Variants in THEMIS observed in about 807,000 individuals in gnomAD.
THEMIS encodes protein THEMIS.
Under a neutral mutation model 52.6 loss-of-function variants are expected in THEMIS, and 37 were observed. The observed-to-expected ratio is 0.70, with a 90% CI of 0.54 to 0.93. The LOEUF (loss-of-function observed/expected upper bound fraction) is 0.93. Among genes scored for constraint, THEMIS ranks in the 40% least tolerant of loss-of-function variants. The pLI, the probability that THEMIS is intolerant of heterozygous loss-of-function variation, is 0.00. For missense variants in THEMIS, 808 were observed against 763.1 expected (o/e 1.06, Z -0.69); for synonymous variants, 292 against 272.7 (o/e 1.07, Z -0.70).
At chr6:127,864,092 G>T (rs912235156) in intron 1 of THEMIS, among the ~76,000 whole-genome samples, 4 of 152,106 alleles carry the variant, frequency 2.6e-5, no homozygotes, top group East Asian at 1.9e-4. Flanking sequence ...GTCTTGACAA[G>T]ATAGGCTTTA....
At chr6:127,789,268 A>T (rs1000284140) in intron 4 of THEMIS, among the ~76,000 whole-genome samples, 12 of 152,188 alleles carry the variant, frequency 7.9e-5, no homozygotes, top group African/African-American at 2.9e-4. Context: ...TAAACTAGAA[A>T]ATCTAGAAGA....
chr6:127,734,108 A>G (rs1398559005), intron 4 of THEMIS, among the ~76,000 whole-genome samples: 6 of 152,174 alleles, frequency 3.9e-5, no homozygotes, highest in Non-Finnish European at 5.9e-5. Flanking sequence ...CAAATTGAGA[A>G]AAAAAATAGG....
At chr6:127,734,917 G>A (rs78189546) in intron 4 of THEMIS, among the ~76,000 whole-genome samples, 25,106 of 102,750 alleles carry the variant, frequency 0.24, 3,646 homozygotes, top group Non-Finnish European at 0.37. Context: ...ATATATATGT[G>A]TGTGTGTGTG....
chr6:127,912,408 T>C (rs1384592101), intron 1 of THEMIS, among the ~76,000 whole-genome samples: 1 of 152,220 alleles, frequency 6.6e-6, no homozygotes, highest in African/African-American at 2.4e-5. Context: ...GAGATTTGAC[T>C]AACTCCATCT....
At chr6:127,868,934 T>C (rs569950830) in intron 1 of THEMIS, among the ~76,000 whole-genome samples, 2 of 152,322 alleles carry the variant, frequency 1.3e-5, no homozygotes, top group Admixed American at 1.3e-4. Context: ...ACTACTGATA[T>C]ATTGGTGAGC....
At chr6:127,811,350 C>T (rs1300504332) in intron 4 of THEMIS, among the ~76,000 whole-genome samples, 2 of 152,196 alleles carry the variant, frequency 1.3e-5, no homozygotes, top group Non-Finnish European at 2.9e-5. Context: ...GATTCCTTGT[C>T]TTCTCTGGCT....
intron 1 of THEMIS, among the ~76,000 whole-genome samples, chr6:127,896,046 A>C (rs776930871): frequency 4.0e-5 from 6 of 151,240 alleles, no homozygotes; most frequent in Non-Finnish European, 8.9e-5. Context: ...AACACTTTTT[A>C]ATGTAAAAAA....
chr6:127,867,579 A>T (rs954637458), intron 1 of THEMIS, among the ~76,000 whole-genome samples: 1 of 152,022 alleles, frequency 6.6e-6, no homozygotes, highest in Non-Finnish European at 1.5e-5. Flanking sequence ...CACATGAAAC[A>T]CCTCACAACC....
the THEMIS span, among the ~76,000 whole-genome samples, chr6:127,699,310 T>C: frequency 6.6e-6 from 1 of 151,768 alleles, no homozygotes; most frequent in African/African-American, 2.4e-5. Context: ...GTGGTTTCTA[T>C]GTTTGTATAA....
At position 127,730,316 on chromosome 6, in the gene THEMIS, GAGAAA is replaced by G. The variant is rs1432043873; in HGVS notation, c.1759-10498_1759-10494del. Among the ~76,000 whole-genome samples, 535 of 129,616 alleles carry G rather than the reference GAGAAA, an allele frequency of 4.1e-3. 5 individuals carry two copies. The highest frequency in any genetic ancestry group is 0.012 in the African/African-American group (368 of 29,972). The allele number at this position is 129,616 out of a possible 152,430, so 85.0% of individuals were successfully genotyped here. ...GAAAAGAAAAGAAAAGAAAAGAAAA[GAGAAA>G]AAAAGAAAAGAAAAGAAAAGAAGAG... is the stretch of plus-strand genomic sequence containing the variant. On this transcript the variant is annotated intron_variant, in intron 4 of 5. Coordinates refer to ENST00000368248, the MANE Select transcript of THEMIS (RefSeq NM_001010923.3).
chr6:127,851,748 C>A (rs899105579), intron 2 of THEMIS, among the ~76,000 whole-genome samples: 2 of 151,686 alleles, frequency 1.3e-5, no homozygotes, highest in African/African-American at 4.8e-5. Context: ...TTTGGGAATG[C>A]AAAATTGTAC....
At chr6:127,843,273 C>T (rs1779110467) in intron 2 of THEMIS, among the ~76,000 whole-genome samples, 1 of 151,310 alleles carries the variant, frequency 6.6e-6, no homozygotes, top group Non-Finnish European at 1.5e-5. Flanking sequence ...AAAATATCAC[C>T]TCTTTTTTTT....
intron 4 of THEMIS, among the ~76,000 whole-genome samples, chr6:127,774,746 C>A (rs1054789620): frequency 6.6e-6 from 1 of 152,102 alleles, no homozygotes; most frequent in African/African-American, 2.4e-5. Flanking sequence ...CTGCCTAAAC[C>A]CCCAAATCTC....
chr6:127,858,062 T>G (rs75031328), intron 1 of THEMIS, among the ~76,000 whole-genome samples: 1,652 of 152,204 alleles, frequency 0.011, 37 homozygotes, highest in African/African-American at 0.038. Flanking sequence ...GTAAATGTAA[T>G]GTATATCAAA....
intron 3 of THEMIS, among the ~76,000 whole-genome samples, chr6:127,818,848 G>A (rs191958841): frequency 1.8e-4 from 28 of 152,040 alleles, no homozygotes; most frequent in African/African-American, 6.3e-4. Flanking sequence ...GACCAGGTGC[G>A]GTGGCTCACG....
chr6:127,871,962 C>T (rs375039070), intron 1 of THEMIS, among the ~76,000 whole-genome samples: 7 of 152,072 alleles, frequency 4.6e-5, no homozygotes, highest in East Asian at 3.9e-4. Context: ...GCTAGTATTG[C>T]CATTATACCC....
intron 1 of THEMIS, 83 bp downstream of exon 1, chr6:127,900,759 G>T: frequency 8.4e-7 from 1 of 1,193,932 alleles, no homozygotes; most frequent in Non-Finnish European, 1.2e-6. Context: ...CATATTTGCT[G>T]TTAAAATTCC....
chr6:127,843,765 T>C lies in THEMIS; in HGVS notation c.250+11265A>G, dbSNP rs562151994. Among the ~76,000 whole-genome samples the C allele has an allele frequency of 3.9e-5, 6 of 152,008 alleles. No homozygotes were observed. In the South Asian group the frequency reaches 1.0e-3, roughly 26 times the overall value. On this transcript the variant is annotated intron_variant, in intron 2 of 5. Coordinates refer to ENST00000368248, the MANE Select transcript of THEMIS (RefSeq NM_001010923.3). ...GTATGTCACTTCTGAGATTAGGCCATAGAAGACTGGTTTCAGTCTTGGGCT... is the reference window on the plus strand; with the variant it reads ...GTATGTCACTTCTGAGATTAGGCCACAGAAGACTGGTTTCAGTCTTGGGCT...
rs552386976 is a variant in THEMIS, at chr6:127,765,548, T to C, written c.1759-45725A>G. Among the ~76,000 whole-genome samples the C allele has an allele frequency of 4.6e-5, 7 of 152,250 alleles. No homozygotes were observed. In the South Asian group the frequency reaches 1.4e-3, roughly 32 times the overall value. On this transcript the variant is annotated intron_variant, in intron 4 of 5. Transcript: ENST00000368248. ...ATGTAAGGAACTACTACTCGAGCTA[T>C]TTAATCAAAATTGAACTGATCGGGT...
Sources: allele counts gnomAD v4.1 joint callset (sites outside exome capture counted in the v4.1 genomes callset), GRCh38; gene constraint gnomAD v4.1.1; transcripts MANE v1.5; gene names NCBI Gene and HGNC (gene_info 2026-07-23, HGNC 2026-07-21).